Variants in SETX observed in about 807,000 individuals in gnomAD.
The protein encoded by SETX is helicase senataxin.
A neutral mutation model predicts 227.2 loss-of-function variants in SETX; 90 were observed. That is an observed-to-expected ratio of 0.40 (90% CI 0.33 to 0.47). SETX has a LOEUF of 0.47. Among genes scored for constraint, SETX ranks in the 20% least tolerant of loss-of-function variants. The pLI, the probability that SETX is intolerant of heterozygous loss-of-function variation, is 0.91. For missense variants in SETX, 3,052 were observed against 3,181.5 expected (o/e 0.96, Z 0.98); for synonymous variants, 1,210 against 1,113.2 (o/e 1.09, Z -1.73).
intron 10 of SETX, among the ~76,000 whole-genome samples, chr9:132,317,466 T>C (rs191691886): frequency 2.8e-4 from 43 of 152,342 alleles, no homozygotes; most frequent in African/African-American, 1.0e-3. Flanking sequence ...GAAATTATTA[T>C]ATACATACAT....
At chr9:132,332,274 A>G (rs1047295771) in intron 7 of SETX, among the ~76,000 whole-genome samples, 3 of 152,206 alleles carry the variant, frequency 2.0e-5, no homozygotes, top group African/African-American at 7.2e-5. Context: ...TTCCAAAATA[A>G]GCACTAGAAT....
chr9:132,294,747 A>T (rs1359210800), intron 15 of SETX, among the ~76,000 whole-genome samples: 2 of 152,140 alleles, frequency 1.3e-5, no homozygotes, highest in Non-Finnish European at 2.9e-5. Flanking sequence ...CTGGAGCTGG[A>T]GCAGCTATCC....
At position 132,346,266 on chromosome 9, in the gene SETX, C is replaced by T. The variant is rs749887957; in HGVS notation, c.383G>A (p.Arg128His). 14 of 1,611,322 alleles carry T rather than the reference C, an allele frequency of 8.7e-6. No individual in the cohort carries two copies. Among genetic ancestry groups the T allele is most frequent in the South Asian group, 3.3e-5 (3 of 91,008 alleles). The change falls in exon 4 of 26, where the codon CGT becomes CAT. Residue 128 changes from arginine to histidine, a missense_variant. Physicochemically the swap from Arg to His is conservative, Grantham distance 29. Transcript: ENST00000224140. ...GGAACCATCAAGATACTCACTAACA[C>T]GTTCATGTAGAAGCAAGTAAGGATA... ...LKYPYLLLHE[R>H]VNELCVEALC...
chr9:132,316,652 T>C (rs1190520936), intron 10 of SETX, among the ~76,000 whole-genome samples: 1 of 152,198 alleles, frequency 6.6e-6, no homozygotes, highest in Non-Finnish European at 1.5e-5. Flanking sequence ...AGCAGGCCAG[T>C]TTCCTCTAAC....
chr9:132,283,125 G>T, intron 19 of SETX, 139 bp downstream of exon 19: 7 of 1,050,744 alleles, frequency 6.7e-6, no homozygotes, highest in South Asian at 5.5e-5. Context: ...TCTACATAAG[G>T]GAATACACAG....
chr9:132,292,716 G>A (rs957383121), intron 15 of SETX, among the ~76,000 whole-genome samples: 7 of 143,908 alleles, frequency 4.9e-5, no homozygotes, highest in African/African-American at 7.8e-5. Flanking sequence ...TGCAAGCTCC[G>A]CCTCCCGGGT....
rs547262175 is a variant in SETX, at chr9:132,287,767, A to C, written c.6324+469T>G. Among the ~76,000 whole-genome samples, 82 of 63,524 alleles carry C rather than the reference A, an allele frequency of 1.3e-3. 1 individual carries two copies. The highest frequency in any genetic ancestry group is 1.6e-4 in the Non-Finnish European group (6 of 37,292). 41.7% of individuals were successfully genotyped at this position (63,524 alleles called of 152,430 possible). A position where few individuals can be genotyped will look rare whatever the true frequency, so the allele number is the denominator to read the frequency against. The stretch of plus-strand genomic sequence containing the variant: ...AAAAAAAAATTAAAACCAAAAGGAC[A>C]AAAAAAAAAAAAGCAGAAAGAAATG... On this transcript the variant is annotated intron_variant, in intron 17 of 25. Transcript: ENST00000224140.
intron 11 of SETX, among the ~76,000 whole-genome samples, chr9:132,303,026 TA>T (rs1845106508): frequency 1.3e-5 from 2 of 152,168 alleles, no homozygotes; most frequent in Admixed American, 6.5e-5. Flanking sequence ...GTTTTTGATT[TA>T]TTTTTTTAGA....
intron 2 of SETX, among the ~76,000 whole-genome samples, chr9:132,350,441 C>T (rs1848544306): frequency 6.6e-6 from 1 of 152,044 alleles, no homozygotes; most frequent in Non-Finnish European, 1.5e-5. Context: ...TCACCGTCAC[C>T]CTAAAATTCA....
chr9:132,281,371 A>T, intron 20 of SETX, 96 bp downstream of exon 20: 1 of 820,490 alleles, frequency 1.2e-6, no homozygotes, highest in Non-Finnish European at 2.1e-6. Flanking sequence ...CCTCCAAATT[A>T]AGAGGCCAAT....
chr9:132,329,474 A>C lies in SETX; in HGVS notation c.2124T>G (p.Ser708Arg). The change falls in exon 10 of 26, where the codon AGT becomes AGG. Residue 708 changes from serine to arginine, a missense_variant. Ser to Arg is a moderately radical substitution (Grantham distance 110, BLOSUM62 -1). Around this residue, in one of 10 missense-constraint regions of SETX, gnomAD observed 1,483 missense variants for 1,312.0 expected, o/e 1.13. Transcript: ENST00000224140. ...CTTTTACAGACTTCTGCTTCCTTGT[A>C]CTTATTTTAATTTGATCTTCAGCTC... ...TERAEDQIKI[S>R]TRKQKSVKEI... The C allele has an allele frequency of 1.9e-6, 3 of 1,612,480 alleles. No individual in the cohort carries two copies. Among genetic ancestry groups the C allele is most frequent in the Non-Finnish European group, 1.7e-6 (2 of 1,179,854 alleles).
At chr9:132,304,516 AAG>A (rs1845206869) in intron 11 of SETX, among the ~76,000 whole-genome samples, 1 of 151,994 alleles carries the variant, frequency 6.6e-6, no homozygotes, top group Admixed American at 6.6e-5. Flanking sequence ...CAAAAAAAAA[AAG>A]AAAATGGAGA....
chr9:132,286,274 C>T (rs1843882144), intron 18 of SETX, 149 bp downstream of exon 18: 1 of 615,910 alleles, frequency 1.6e-6, no homozygotes, highest in Non-Finnish European at 2.8e-6. Flanking sequence ...GAGCTGAGAT[C>T]ATGCCACTGC....
chr9:132,300,589 T>C (rs2131305496), intron 12 of SETX, 41 bp downstream of exon 12: 13 of 1,590,614 alleles, frequency 8.2e-6, no homozygotes, highest in African/African-American at 1.3e-5. Context: ...TAGATGAGAC[T>C]GTATCTGACA....
Position 132,311,899 on chromosome 9 carries a change from A to G in SETX, c.5275-43T>C, listed in dbSNP as rs144258500. 6.7e-3 allele frequency: 9,237 copies of G among 1,380,528 alleles called. 40 individuals are homozygous for G. Among genetic ancestry groups the G allele is most frequent in the South Asian group, 9.3e-3 (792 of 85,580 alleles). The allele number at this position is 1,380,528 out of a possible 1,614,324, so 85.5% of individuals were successfully genotyped here. A position where few individuals can be genotyped will look rare whatever the true frequency, so the allele number is the denominator to read the frequency against. On this transcript the variant is annotated intron_variant, in intron 10 of 25. Coordinates refer to ENST00000224140, the MANE Select transcript of SETX (RefSeq NM_015046.7). ...GCAAATTAAGAAAGCAACATTCTGG[A>G]AAGTGATGCTAAATAGTAACATTTT... is the stretch of plus-strand genomic sequence containing the variant.
In SETX at chr9:132,264,917, G is replaced by A; in HGVS notation, c.7356C>T (p.Asp2452=). Residue 2452 remains aspartate (D), a synonymous_variant, in exon 26 of 26, where the codon GAC becomes GAT. Transcript: ENST00000224140. Reference sequence around the variant, plus strand: ...TCACTGCATCATGTCTATAGTTTTTGTCACAGGTCTTAATAATGGCACCAC... The same window carrying A: ...TCACTGCATCATGTCTATAGTTTTTATCACAGGTCTTAATAATGGCACCAC... The part of the protein sequence containing the change: ...QKRGAIIKTC[D]KNYRHDAVKI... The A allele has an allele frequency of 6.2e-7, 1 of 1,614,134 alleles. No homozygotes were observed.
chr9:132,332,265 T>C (rs1847282902), intron 7 of SETX, among the ~76,000 whole-genome samples: 1 of 152,216 alleles, frequency 6.6e-6, no homozygotes, highest in African/African-American at 2.4e-5. Context: ...ACTGGCTTTT[T>C]CCAAAATAAG....
intron 10 of SETX, among the ~76,000 whole-genome samples, chr9:132,315,103 G>A (rs1197037907): frequency 1.3e-5 from 2 of 151,944 alleles, no homozygotes; most frequent in African/African-American, 4.8e-5. Context: ...AGTAGAGACA[G>A]GGTTTCACCA....
chr9:132,285,945 G>A (rs1843850222), intron 18 of SETX, among the ~76,000 whole-genome samples: 1 of 150,656 alleles, frequency 6.6e-6, no homozygotes, highest in Non-Finnish European at 1.5e-5. Context: ...CACTTTGAGG[G>A]AGGCTGAGGC....
Sources: allele counts gnomAD v4.1 joint callset (sites outside exome capture counted in the v4.1 genomes callset), GRCh38; gene constraint gnomAD v4.1.1; regional missense constraint gnomAD v4.1.1; transcripts MANE v1.5; gene names NCBI Gene and HGNC (gene_info 2026-07-23, HGNC 2026-07-21).